IFTAP: variants seen among roughly 807,000 people sequenced by gnomAD.
The protein encoded by IFTAP is intraflagellar transport associated protein, also known as intraflagellar transport-associated protein.
In IFTAP, 19 loss-of-function variants were observed where a neutral mutation model predicts 19.4. The ratio of observed to expected loss-of-function variants is 0.98; its 90% confidence interval spans 0.68 to 1.44. The LOEUF is 1.44. Ranked by LOEUF, IFTAP falls within the 40% of genes most tolerant of loss-of-function variation. The pLI is 0.00. For missense variants in IFTAP, 240 were observed against 253.6 expected (o/e 0.95, Z 0.36); for synonymous variants, 85 against 83.5 (o/e 1.02, Z -0.10).
rs1405601608 is a variant in IFTAP, at chr11:36,602,636, C to T, written c.-23-7445C>T. On this transcript the variant is annotated intron_variant, in intron 1 of 5. Coordinates refer to ENST00000334307, the MANE Select transcript of IFTAP (RefSeq NM_138787.4). ...AAAAAGTGTTCACTGAATTACTCGC[C>T]GTTACTACCCATAACTCATTGATAT... Among the ~76,000 whole-genome samples, 5 of 151,960 alleles carry T rather than the reference C, an allele frequency of 3.3e-5. No homozygotes were observed. In the East Asian group the frequency reaches 9.6e-4, roughly 29 times the overall value.
intron 1 of IFTAP, among the ~76,000 whole-genome samples, chr11:36,596,390 A>G (rs1050814160): frequency 1.3e-5 from 2 of 152,140 alleles, no homozygotes; most frequent in African/African-American, 4.8e-5. Context: ...GGTGTCTCAG[A>G]AGGATTATTA....
chr11:36,656,141 G>A (rs1177927606), intron 5 of IFTAP, among the ~76,000 whole-genome samples: 2 of 152,188 alleles, frequency 1.3e-5, no homozygotes, highest in Non-Finnish European at 2.9e-5. Flanking sequence ...TTGGCCGTGG[G>A]AGCCCTGATC....
intron 1 of IFTAP, among the ~76,000 whole-genome samples, chr11:36,602,570 CT>C (rs535251891): frequency 2.2e-3 from 339 of 152,164 alleles, no homozygotes; most frequent in African/African-American, 7.7e-3. Context: ...ACTCAGAAAC[CT>C]TACTGCTTTA....
chr11:36,645,568 A>AT lies in IFTAP; in HGVS notation c.359-2440dup, dbSNP rs200797525. Reference sequence around the variant, plus strand: ...ATTTCCTACCATGAGTGAATACAGTATTTTTTTTCTCCTGAGAGAATATGA... The same window carrying AT: ...ATTTCCTACCATGAGTGAATACAGTATTTTTTTTTCTCCTGAGAGAATATGA... On this transcript the variant is annotated intron_variant, in intron 4 of 5. Transcript: ENST00000334307. 4.7e-3 allele frequency among the ~76,000 whole-genome samples: 710 copies of AT among 152,038 alleles called. 11 individuals carry two copies. Among genetic ancestry groups the AT allele is most frequent in the Admixed American group, 5.2e-3 (80 of 15,242 alleles).
At chr11:36,598,774 A>G (rs1300911027) in intron 1 of IFTAP, among the ~76,000 whole-genome samples, 1 of 152,148 alleles carries the variant, frequency 6.6e-6, no homozygotes, top group Non-Finnish European at 1.5e-5. Flanking sequence ...TTTTTCAGGT[A>G]GTAGAGTCAT....
chr11:36,606,206 C>T (rs770208392), intron 1 of IFTAP, among the ~76,000 whole-genome samples: 1 of 152,226 alleles, frequency 6.6e-6, no homozygotes, highest in Non-Finnish European at 1.5e-5. Flanking sequence ...CGCCTGTAAT[C>T]CCAGCACTTT....
intron 2 of IFTAP, among the ~76,000 whole-genome samples, chr11:36,625,235 TA>T (rs1189010395): frequency 2.0e-5 from 3 of 152,106 alleles, no homozygotes; most frequent in East Asian, 3.8e-4. Flanking sequence ...TAGGATTAAA[TA>T]AAAAATATAT....
intron 2 of IFTAP, among the ~76,000 whole-genome samples, chr11:36,615,805 G>T (rs1852060161): frequency 2.0e-5 from 3 of 151,096 alleles, no homozygotes; most frequent in Admixed American, 2.0e-4. Context: ...ATCAGCTTAA[G>T]GAGATTTTGG....
chr11:36,648,254 G>T, intron 5 of IFTAP, 99 bp downstream of exon 5: 2 of 1,410,790 alleles, frequency 1.4e-6, no homozygotes. Context: ...TCTAACATTT[G>T]GGAAAATATA....
intron 5 of IFTAP, among the ~76,000 whole-genome samples, chr11:36,649,516 T>A (rs577750899): frequency 6.6e-6 from 1 of 152,276 alleles, no homozygotes; most frequent in East Asian, 1.9e-4. Flanking sequence ...TGGCACCTAG[T>A]ACTTTTATAG....
intron 4 of IFTAP, among the ~76,000 whole-genome samples, chr11:36,640,353 G>A (rs1853148936): frequency 6.6e-6 from 1 of 152,114 alleles, no homozygotes; most frequent in Non-Finnish European, 1.5e-5. Flanking sequence ...AAAATTTCTT[G>A]AAGTAGTAAA....
chr11:36,627,107 C>T (rs1052380700), intron 2 of IFTAP, among the ~76,000 whole-genome samples: 2 of 151,110 alleles, frequency 1.3e-5, no homozygotes, highest in Non-Finnish European at 2.9e-5. Context: ...TCATATGATT[C>T]CACTGGTATG....
At chr11:36,619,284 C>T (rs1852212028) in intron 2 of IFTAP, among the ~76,000 whole-genome samples, 1 of 151,898 alleles carries the variant, frequency 6.6e-6, no homozygotes, top group African/African-American at 2.4e-5. Context: ...AAAATGAAAC[C>T]GGTGACAGCA....
chr11:36,622,435 G>C (rs1852335119), intron 2 of IFTAP, among the ~76,000 whole-genome samples: 1 of 152,064 alleles, frequency 6.6e-6, no homozygotes, highest in Admixed American at 6.6e-5. Flanking sequence ...CAGATATTTA[G>C]TTTTATAAAT....
In IFTAP at chr11:36,617,642, G is replaced by A. The variant is rs1291512826; in HGVS notation, c.136+7403G>A. 2.0e-5 allele frequency among the ~76,000 whole-genome samples: 3 copies of A among 151,900 alleles called. No homozygotes were observed. The East Asian group carries it at 5.8e-4, about 29-fold the overall frequency. On this transcript the variant is annotated intron_variant, in intron 2 of 5. Transcript: ENST00000334307. ...AGATAATTGCTTAAAGTGTGTTTCT[G>A]TTTCAATTGTAGAGTTGGCAGAGAC...
At chr11:36,613,114 G>A (rs1851935450) in intron 2 of IFTAP, among the ~76,000 whole-genome samples, 1 of 151,848 alleles carries the variant, frequency 6.6e-6, no homozygotes, top group Non-Finnish European at 1.5e-5. Flanking sequence ...AGTTCAGGAG[G>A]GTAAATCAAA....
intron 4 of IFTAP, among the ~76,000 whole-genome samples, chr11:36,636,510 G>A (rs1852958139): frequency 6.6e-6 from 1 of 152,054 alleles, no homozygotes; most frequent in Non-Finnish European, 1.5e-5. Flanking sequence ...TATCAGAATT[G>A]ATCACAAAAA....
chr11:36,642,763 G>T (rs1853280765), intron 4 of IFTAP, among the ~76,000 whole-genome samples: 4 of 151,906 alleles, frequency 2.6e-5, no homozygotes, highest in South Asian at 2.1e-4. Flanking sequence ...AAACCACATG[G>T]TTATCTCAAT....
intron 5 of IFTAP, among the ~76,000 whole-genome samples, chr11:36,651,558 T>C (rs1399308327): frequency 6.6e-6 from 1 of 152,188 alleles, no homozygotes; most frequent in African/African-American, 2.4e-5. Flanking sequence ...TTAGTTTAAT[T>C]AGATCCCATT....
Sources: gnomAD v4.1 joint callset for allele counts (sites outside exome capture counted in the v4.1 genomes callset) on GRCh38, gnomAD v4.1.1 for gene constraint, MANE v1.5 for transcripts, NCBI Gene and HGNC (gene_info 2026-07-23, HGNC 2026-07-21) for gene names.